COL4A1: variants seen among roughly 807,000 people sequenced by gnomAD.
The protein encoded by COL4A1 is collagen alpha-1(IV) chain.
A neutral mutation model predicts 216.6 loss-of-function variants in COL4A1; 40 were observed. The ratio of observed to expected loss-of-function variants is 0.18; its 90% CI spans 0.14 to 0.24. The LOEUF (loss-of-function observed/expected upper bound fraction) is 0.24, where lower values mean the gene tolerates loss of function less well. COL4A1 is among the 10% of genes least tolerant of loss of function. The pLI, the probability that COL4A1 is intolerant of heterozygous loss-of-function variation, is 1.00. For synonymous variants in COL4A1, 839 were observed against 810.7 expected (o/e 1.03, Z -0.59); for missense variants, 1,628 against 2,196.8 (o/e 0.74, Z 5.18).
chr13:110,166,599 T>C (rs1018215922), intron 44 of COL4A1, among the ~76,000 whole-genome samples: 1 of 152,190 alleles, frequency 6.6e-6, no homozygotes, highest in African/African-American at 2.4e-5. Flanking sequence ...ACAGCATTAT[T>C]TCTGGTCACG....
chr13:110,279,033 C>T (rs1883526565), intron 1 of COL4A1, among the ~76,000 whole-genome samples: 1 of 152,192 alleles, frequency 6.6e-6, no homozygotes, highest in South Asian at 2.1e-4. Flanking sequence ...GAACCCAACT[C>T]AGTGCTTTGC....
chr13:110,233,565 C>T (rs1210272563), intron 2 of COL4A1, among the ~76,000 whole-genome samples: 3 of 152,046 alleles, frequency 2.0e-5, no homozygotes, highest in Admixed American at 1.3e-4. Flanking sequence ...GGAGTCTGGA[C>T]GTTGGTAAGT....
intron 1 of COL4A1, among the ~76,000 whole-genome samples, chr13:110,287,317 C>G (rs66553690): frequency 2.0e-5 from 3 of 152,106 alleles, no homozygotes; most frequent in Non-Finnish European, 2.9e-5. Context: ...CCCTAAAGCC[C>G]GAGGCCAGCC....
chr13:110,243,721 C>T (rs185095494), intron 1 of COL4A1, among the ~76,000 whole-genome samples: 5 of 152,320 alleles, frequency 3.3e-5, no homozygotes, highest in African/African-American at 4.8e-5. Context: ...CGTGTTCAAA[C>T]GCTTACCAGG....
chr13:110,188,697 G>A (rs1878502687), intron 24 of COL4A1, among the ~76,000 whole-genome samples: 1 of 152,238 alleles, frequency 6.6e-6, no homozygotes, highest in African/African-American at 2.4e-5. Flanking sequence ...CCATTACACA[G>A]GGGGAGAGGT....
Position 110,306,931 on chromosome 13 carries a change from G to A in COL4A1, c.84+13C>T, listed in dbSNP as rs1884754057. 5 of 1,468,154 alleles carry A rather than the reference G, an allele frequency of 3.4e-6. No homozygotes were observed. The highest frequency in any genetic ancestry group is 2.6e-5 in the South Asian group (2 of 76,638). 90.9% of individuals were successfully genotyped at this position (1,468,154 alleles called of 1,614,324 possible). On this transcript the variant is annotated intron_variant, in intron 1 of 51. Coordinates refer to ENST00000375820, the MANE Select transcript of COL4A1 (RefSeq NM_001845.6). ...GGGCGGGACGCCGGGAGCGGAGCTG[G>A]CCGGGAACTCACCTTCGCAGCGGCC...
chr13:110,242,767 G>T (rs914772648), intron 1 of COL4A1, 33 bp from the exon 2 acceptor site: 4 of 1,611,518 alleles, frequency 2.5e-6, no homozygotes, highest in Non-Finnish European at 3.4e-6. Context: ...TTAAATAGAA[G>T]AACACTTTCA....
intron 2 of COL4A1, among the ~76,000 whole-genome samples, chr13:110,226,344 T>G (rs1257321804): frequency 2.6e-5 from 4 of 152,234 alleles, no homozygotes; most frequent in African/African-American, 9.6e-5. Context: ...CAGGTCAGCC[T>G]GGGTCTTAGT....
chr13:110,207,378 A>T lies in COL4A1; in HGVS notation c.780+25T>A, dbSNP rs1879567312. On this transcript the variant is annotated intron_variant, in intron 13 of 51. Transcript: ENST00000375820. The surrounding 1 kb of genome is among the most constrained non-coding windows in gnomAD (Gnocchi z 4.4). ...ATTTGTCCAAAATTAGAAAATCAGT[A>T]TTCACTGATGAAGCCCACTCATACC... 6.3e-7 allele frequency: 1 copy of T among 1,575,752 alleles called. No homozygotes were observed. Among genetic ancestry groups the T allele is most frequent in the African/African-American group, 1.3e-5 (1 of 74,232 alleles).
chr13:110,215,176 C>T (rs1880007299), intron 2 of COL4A1, among the ~76,000 whole-genome samples: 1 of 152,164 alleles, frequency 6.6e-6, no homozygotes, highest in Non-Finnish European at 1.5e-5. Context: ...TGGGCAGAGT[C>T]CACAGTGTGC....
intron 49 of COL4A1, among the ~76,000 whole-genome samples, chr13:110,156,587 C>T (rs1275510144): frequency 6.6e-6 from 1 of 152,210 alleles, no homozygotes; most frequent in Non-Finnish European, 1.5e-5. Flanking sequence ...AGCCTTGGGA[C>T]TGCACCAGAA....
At chr13:110,174,864 C>T in intron 37 of COL4A1, 115 bp from the exon 38 acceptor site, 1 of 1,052,042 alleles carries the variant, frequency 9.5e-7, no homozygotes, top group Middle Eastern at 2.3e-4. Context: ...TTGCAAAACT[C>T]CATTTCCAGA....
At chr13:110,221,073 G>A (rs770980811) in intron 2 of COL4A1, among the ~76,000 whole-genome samples, 18 of 152,338 alleles carry the variant, frequency 1.2e-4, no homozygotes, top group Non-Finnish European at 1.8e-4. Flanking sequence ...GACAAATCCT[G>A]ATGTTGAAAC....
In COL4A1 at chr13:110,205,625, G is replaced by A. The variant is rs575718540; in HGVS notation, c.859-87C>T. On this transcript the variant is annotated intron_variant, in intron 15 of 51. Transcript: ENST00000375820. ...TGCCTGTAATCCCAGCACTTTGGGA[G>A]GCCGAGGTGGGTGGATCACCTGAGG... 35 of 1,425,368 alleles carry A rather than the reference G, an allele frequency of 2.5e-5. 1 individual carries two copies. In the South Asian group the frequency reaches 3.9e-4, roughly 16 times the overall value. 88.3% of individuals were successfully genotyped at this position (1,425,368 alleles called of 1,614,324 possible). A position where few individuals can be genotyped will look rare whatever the true frequency, so the allele number is the denominator to read the frequency against.
chr13:110,261,315 G>A (rs1421083994), intron 1 of COL4A1, among the ~76,000 whole-genome samples: 1 of 152,160 alleles, frequency 6.6e-6, no homozygotes, highest in African/African-American at 2.4e-5. Flanking sequence ...CCACAGCCAA[G>A]CTATTAGCTC....
In COL4A1 at chr13:110,166,313, G is replaced by A; in HGVS notation, c.3950-10C>T. 1 of 1,585,308 alleles carries A rather than the reference G, an allele frequency of 6.3e-7. No homozygotes were observed. Among genetic ancestry groups the A allele is most frequent in the Non-Finnish European group, 8.7e-7 (1 of 1,153,722 alleles). On this transcript the variant is annotated splice_polypyrimidine_tract_variant and intron_variant, in intron 44 of 51. Coordinates refer to ENST00000375820, the MANE Select transcript of COL4A1 (RefSeq NM_001845.6). The stretch of plus-strand genomic sequence containing the variant: ...GGAAGACCTTTTGGACCTAAAAGCA[G>A]AGGGAAAGCACTGTCTTGCACAGAA...
At chr13:110,300,127 ATT>A (rs1884434420) in intron 1 of COL4A1, among the ~76,000 whole-genome samples, 1 of 152,232 alleles carries the variant, frequency 6.6e-6, no homozygotes, top group Non-Finnish European at 1.5e-5. Context: ...AGATATTAAT[ATT>A]GTTTATTTAA....
chr13:110,302,344 G>A (rs1239946699), intron 1 of COL4A1, among the ~76,000 whole-genome samples: 1 of 151,228 alleles, frequency 6.6e-6, no homozygotes. Flanking sequence ...CAGCCAAGGG[G>A]AGGCGTCGCG....
At chr13:110,230,238 T>C (rs1880964529) in intron 2 of COL4A1, among the ~76,000 whole-genome samples, 1 of 151,654 alleles carries the variant, frequency 6.6e-6, no homozygotes, top group Non-Finnish European at 1.5e-5. Context: ...GTGTGTGTGG[T>C]ATGTATGTGT....
Sources: gnomAD v4.1 joint callset for allele counts (sites outside exome capture counted in the v4.1 genomes callset) on GRCh38, gnomAD v4.1.1 for gene constraint, Gnocchi (gnomAD v3.1) non-coding constraint, MANE v1.5 for transcripts, NCBI Gene and HGNC (gene_info 2026-07-23, HGNC 2026-07-21) for gene names.